FAM169A: variants seen among roughly 807,000 people sequenced by gnomAD.
FAM169A encodes the protein family with sequence similarity 169 member A, also known as soluble lamin-associated protein of 75 kDa.
In FAM169A, 24 loss-of-function variants were observed where a neutral mutation model predicts 75.7. The observed-to-expected ratio is 0.32, with a 90% CI of 0.23 to 0.45. FAM169A has a LOEUF of 0.45. Among genes scored for constraint, FAM169A ranks in the 20% least tolerant of loss-of-function variants. The pLI is 1.00. For synonymous variants in FAM169A, 271 were observed against 271.0 expected, an observed-to-expected ratio of 1.00 and a Z score of 0.00; for missense variants, 673 against 784.0, an observed-to-expected ratio of 0.86 and a Z score of 1.69.
At chr5:74,794,792 A>C (rs1470626471) in intron 11 of FAM169A, among the ~76,000 whole-genome samples, 3 of 151,708 alleles carry the variant, frequency 2.0e-5, no homozygotes, top group African/African-American at 4.8e-5. Context: ...AAAAAAAAAA[A>C]AAACAAACAC....
In FAM169A at chr5:74,844,336, C is replaced by A. The variant is rs147041853; in HGVS notation, c.-3-2657G>T. Among the ~76,000 whole-genome samples, 216 of 152,076 alleles carry A rather than the reference C, an allele frequency of 1.4e-3. 2 individuals carry two copies. The highest frequency in any genetic ancestry group is 4.6e-3 in the African/African-American group (191 of 41,486). On this transcript the variant is annotated intron_variant, in intron 1 of 12. Transcript: ENST00000687041. ...AATTAGCCGGGTATGGTGGTATGCACCTGTAGTCCCAGCTACTCAGGAGGC... is the reference window on the plus strand; with the variant it reads ...AATTAGCCGGGTATGGTGGTATGCAACTGTAGTCCCAGCTACTCAGGAGGC...
At chr5:74,857,572 G>GAAAAAAAA (rs35476827) in intron 1 of FAM169A, among the ~76,000 whole-genome samples, 1 of 56,290 alleles carries the variant, frequency 1.8e-5, no homozygotes, top group Admixed American at 2.6e-4. Flanking sequence ...CTTGCCGCGG[G>GAAAAAAAA]AAAAAAAAAA....
chr5:74,851,074 C>T (rs1283784890), intron 1 of FAM169A, among the ~76,000 whole-genome samples: 10 of 152,140 alleles, frequency 6.6e-5, no homozygotes, highest in Admixed American at 6.5e-4. Context: ...TGCCACCACA[C>T]CCAGCTAAGT....
intron 10 of FAM169A, chr5:74,799,697 A>G: frequency 1.1e-5 from 14 of 1,259,948 alleles, no homozygotes; most frequent in Non-Finnish European, 1.6e-5. Context: ...GATGCCTCAA[A>G]AAGTGTGCAT....
chr5:74,790,903 G>C (rs752825299), intron 11 of FAM169A, among the ~76,000 whole-genome samples: 3 of 152,176 alleles, frequency 2.0e-5, no homozygotes, highest in Non-Finnish European at 2.9e-5. Flanking sequence ...AAAGAGCAGA[G>C]GTTTGTCCTC....
chr5:74,797,126 T>C (rs539013363), intron 10 of FAM169A, among the ~76,000 whole-genome samples: 3 of 152,298 alleles, frequency 2.0e-5, no homozygotes, highest in South Asian at 2.1e-4. Flanking sequence ...TGGTTCTCTA[T>C]AAGCTCAGTG....
chr5:74,866,174 G>T lies in FAM169A; in HGVS notation c.-13C>A. The T allele has an allele frequency of 1.0e-6, 1 of 983,964 alleles. No individual in the cohort carries two copies. The highest frequency in any genetic ancestry group is 1.2e-6 in the Non-Finnish European group (1 of 829,262). The allele number at this position is 983,964 out of a possible 1,614,324, so 61.0% of individuals were successfully genotyped here. A position where few individuals can be genotyped will look rare whatever the true frequency, so the allele number is the denominator to read the frequency against. On this transcript the variant is annotated 5_prime_UTR_variant, in exon 1 of 13. Coordinates refer to ENST00000687041, the MANE Select transcript of FAM169A (RefSeq NM_001376049.1). ...GAGGGAGCGCACTCACCTCAGACGC[G>T]CCCCGGGAGCCGCTGGAAGAGCCCG...
At chr5:74,818,714 G>A (rs928774184) in intron 5 of FAM169A, among the ~76,000 whole-genome samples, 3 of 150,260 alleles carry the variant, frequency 2.0e-5, no homozygotes, top group Non-Finnish European at 3.0e-5. Context: ...ATTACAAAAG[G>A]GCAAAGACAA....
At chr5:74,830,154 A>G (rs1047617201) in intron 5 of FAM169A, among the ~76,000 whole-genome samples, 2 of 152,172 alleles carry the variant, frequency 1.3e-5, no homozygotes, top group Admixed American at 1.3e-4. Flanking sequence ...ATTTACCTAG[A>G]TAAGAATCCC....
rs375543789 is a variant in FAM169A, at chr5:74,813,991, T to C, written c.519A>G (p.Gln173=). 3.9e-5 allele frequency: 62 copies of C among 1,588,146 alleles called. No homozygotes were observed. Among genetic ancestry groups the C allele is most frequent in the African/African-American group, 6.8e-5 (5 of 73,594 alleles). Residue 173 remains glutamine (Q), a synonymous_variant, in exon 6 of 13, where the codon CAA becomes CAG. Transcript: ENST00000687041. ...TATCAAGAACTGGCAATTGGTAACT[T>C]TGGGTAAGAAAAGAGGCACATATGC... The part of the protein sequence containing the change: ...TGSICASFLT[Q]SYQLPVLDTM...
intron 11 of FAM169A, among the ~76,000 whole-genome samples, chr5:74,790,606 G>C (rs920947049): frequency 6.6e-6 from 1 of 152,156 alleles, no homozygotes; most frequent in African/African-American, 2.4e-5. Context: ...CGAGTGGATA[G>C]GATGACTTGT....
intron 10 of FAM169A, chr5:74,799,064 C>G: frequency 2.0e-6 from 2 of 1,008,276 alleles, no homozygotes; most frequent in Non-Finnish European, 3.2e-6. Context: ...ACCCAGATTG[C>G]CCTCAGTGTC....
At chr5:74,865,570 G>C (rs1750278747) in intron 1 of FAM169A, 1 of 152,412 alleles carries the variant, frequency 6.6e-6, no homozygotes, top group Non-Finnish European at 1.5e-5. Flanking sequence ...CTTGAAAAAT[G>C]GCATAATGGA....
chr5:74,790,116 T>C (rs4383717), intron 11 of FAM169A, among the ~76,000 whole-genome samples: 3,365 of 152,318 alleles, frequency 0.022, 122 homozygotes, highest in African/African-American at 0.077. Context: ...CAAACGCCCA[T>C]GGTCTCCACT....
chr5:74,849,624 G>C (rs1749337930), intron 1 of FAM169A, among the ~76,000 whole-genome samples: 2 of 151,406 alleles, frequency 1.3e-5, no homozygotes, highest in Non-Finnish European at 2.9e-5. Context: ...CCTTATTTCT[G>C]AACCTTATTA....
intron 5 of FAM169A, among the ~76,000 whole-genome samples, chr5:74,815,907 C>T (rs1187370442): frequency 6.6e-6 from 1 of 152,180 alleles, no homozygotes; most frequent in Non-Finnish European, 1.5e-5. Flanking sequence ...AATAATCCAC[C>T]CCTTCTTTAG....
intron 6 of FAM169A, among the ~76,000 whole-genome samples, chr5:74,812,347 G>C (rs932717522): frequency 6.6e-6 from 1 of 151,944 alleles, no homozygotes; most frequent in Non-Finnish European, 1.5e-5. Context: ...GGCTGGTCTC[G>C]AATTCCTGAG....
rs553923329 is a variant in FAM169A at position 74,846,052 on chromosome 5, C to T, written c.-3-4373G>A. On this transcript the variant is annotated intron_variant, in intron 1 of 12. Coordinates refer to ENST00000687041, the MANE Select transcript of FAM169A (RefSeq NM_001376049.1). ...AAGTAGTATGACTAGGAAAACAGAA[C>T]GTAATAACTGTTTTTCTTCTCTTAT... is the stretch of plus-strand genomic sequence containing the variant. Among the ~76,000 whole-genome samples, 22 of 152,182 alleles carry T rather than the reference C, an allele frequency of 1.4e-4. No individual in the cohort carries two copies. In the East Asian group the frequency reaches 3.1e-3, roughly 21 times the overall value.
intron 1 of FAM169A, 54 bp downstream of exon 1, chr5:74,866,111 C>T: frequency 2.3e-6 from 2 of 888,044 alleles, no homozygotes; most frequent in South Asian, 5.1e-5. Context: ...GGGCCCGGCG[C>T]GGCCGTCTCG....
Sources: gnomAD v4.1 joint callset for allele counts (sites outside exome capture counted in the v4.1 genomes callset) on GRCh38, gnomAD v4.1.1 for gene constraint, MANE v1.5 for transcripts, NCBI Gene and HGNC (gene_info 2026-07-23, HGNC 2026-07-21) for gene names.